CYTH3: variants seen among roughly 807,000 people sequenced by gnomAD.
CYTH3 encodes the protein cytohesin-3.
A neutral mutation model predicts 55.1 loss-of-function variants in CYTH3; 23 were observed. That is an observed-to-expected ratio of 0.42 (90% CI 0.30 to 0.59). CYTH3 has a LOEUF of 0.59. Ranked by LOEUF, CYTH3 falls within the 20% of genes least tolerant of loss-of-function variation. CYTH3 has a pLI of 0.20. For missense variants in CYTH3, 413 were observed against 524.8 expected, an observed-to-expected ratio of 0.79 and a Z score of 2.08; for synonymous variants, 249 against 194.9, an observed-to-expected ratio of 1.28 and a Z score of -2.31.
chr7:6,216,487 C>T (rs1164105176), intron 1 of CYTH3, among the ~76,000 whole-genome samples: 3 of 152,054 alleles, frequency 2.0e-5, no homozygotes, highest in Non-Finnish European at 2.9e-5. Flanking sequence ...ACCTGTAATG[C>T]TAGCACTTTG....
chr7:6,175,157 G>A (rs1783310912), intron 5 of CYTH3, among the ~76,000 whole-genome samples: 1 of 152,092 alleles, frequency 6.6e-6, no homozygotes, highest in East Asian at 1.9e-4. Flanking sequence ...TTTTGTAGAG[G>A]CAGGGCTCAC....
chr7:6,224,644 G>A (rs971678509), intron 1 of CYTH3, among the ~76,000 whole-genome samples: 24 of 152,124 alleles, frequency 1.6e-4, no homozygotes, highest in African/African-American at 5.8e-4. Flanking sequence ...TTGTCGCTGT[G>A]GAATACAATT....
intron 1 of CYTH3, among the ~76,000 whole-genome samples, chr7:6,254,547 C>A (rs1381279514): frequency 6.6e-6 from 1 of 152,224 alleles, no homozygotes; most frequent in East Asian, 1.9e-4. Flanking sequence ...CTCCCAGGCT[C>A]AAGCTATTCT....
At chr7:6,252,779 C>A (rs1780007877) in intron 1 of CYTH3, among the ~76,000 whole-genome samples, 1 of 152,220 alleles carries the variant, frequency 6.6e-6, no homozygotes, top group African/African-American at 2.4e-5. Flanking sequence ...GCAAAAGTAT[C>A]TCTTGAAAAT....
intron 4 of CYTH3, among the ~76,000 whole-genome samples, chr7:6,184,656 C>T (rs1783591728): frequency 6.6e-6 from 1 of 152,070 alleles, no homozygotes; most frequent in African/African-American, 2.4e-5. Flanking sequence ...TCTCAGCTCA[C>T]TGCAACCTGA....
intron 1 of CYTH3, among the ~76,000 whole-genome samples, chr7:6,259,789 ATAT>A (rs1780270933): frequency 4.4e-4 from 7 of 15,990 alleles, no homozygotes; most frequent in East Asian, 6.5e-3. Context: ...TATATAATAT[ATAT>A]ATATATATAT....
intron 1 of CYTH3, among the ~76,000 whole-genome samples, chr7:6,210,582 T>C (rs1434564310): frequency 1.3e-5 from 2 of 152,234 alleles, no homozygotes; most frequent in Non-Finnish European, 2.9e-5. Flanking sequence ...ATAACTAATT[T>C]CCTATATCCA....
chr7:6,182,946 T>C (rs1783546427), intron 4 of CYTH3, among the ~76,000 whole-genome samples: 2 of 152,258 alleles, frequency 1.3e-5, no homozygotes, highest in Admixed American at 1.3e-4. Flanking sequence ...TTAGGGTCAC[T>C]GTTGGCCTAA....
intron 1 of CYTH3, among the ~76,000 whole-genome samples, chr7:6,237,753 A>G (rs1779562917): frequency 6.6e-6 from 1 of 152,176 alleles, no homozygotes; most frequent in African/African-American, 2.4e-5. Flanking sequence ...GTTTATTTCC[A>G]AAAGTATTAT....
intron 1 of CYTH3, among the ~76,000 whole-genome samples, chr7:6,258,504 C>T (rs564678186): frequency 1.8e-3 from 280 of 152,238 alleles, no homozygotes; most frequent in African/African-American, 6.3e-3. Flanking sequence ...TAAGATATAG[C>T]CCTTTGTGGT....
rs145827648 is a variant in CYTH3, at chr7:6,174,394, T to A, written c.369-661A>T. Among the ~76,000 whole-genome samples, 646 of 151,034 alleles carry A rather than the reference T, an allele frequency of 4.3e-3. 6 individuals are homozygous for A. The highest frequency in any genetic ancestry group is 6.8e-3 in the Non-Finnish European group (460 of 67,648). On this transcript the variant is annotated intron_variant, in intron 5 of 12. Transcript: ENST00000350796. ...CCTCCCAAAGTGCTGGGATTACAGG[T>A]GTGAGCCACGGCACCTGCCTGCATC... is the stretch of plus-strand genomic sequence containing the variant.
intron 1 of CYTH3, among the ~76,000 whole-genome samples, chr7:6,193,435 T>C (rs1783850528): frequency 6.6e-6 from 1 of 150,874 alleles, no homozygotes; most frequent in African/African-American, 2.4e-5. Flanking sequence ...AATTAGCAAT[T>C]TAAAAAACTC....
chr7:6,198,881 T>C (rs980528632), intron 1 of CYTH3, among the ~76,000 whole-genome samples: 1 of 152,032 alleles, frequency 6.6e-6, no homozygotes, highest in African/African-American at 2.4e-5. Flanking sequence ...ATCCTGACAT[T>C]CCAGACACGC....
intron 1 of CYTH3, among the ~76,000 whole-genome samples, chr7:6,252,706 GGAA>G (rs776852628): frequency 2.6e-4 from 39 of 152,140 alleles, no homozygotes; most frequent in African/African-American, 7.7e-4. Context: ...GTTGAGGGAG[GGAA>G]GAAGAAAAAG....
At chr7:6,219,039 G>C (rs1385419511) in intron 1 of CYTH3, among the ~76,000 whole-genome samples, 1 of 149,344 alleles carries the variant, frequency 6.7e-6, no homozygotes, top group Non-Finnish European at 1.5e-5. Flanking sequence ...TGCCACTGAG[G>C]ACTCAGGAGA....
rs537962007 is a variant in CYTH3, at chr7:6,171,502, G to A, written c.450-188C>T. 4.6e-5 allele frequency among the ~76,000 whole-genome samples: 7 copies of A among 152,260 alleles called. No homozygotes were observed. Among genetic ancestry groups the A allele is most frequent in the East Asian group, 1.9e-4 (1 of 5,180 alleles). On this transcript the variant is annotated intron_variant, in intron 6 of 12. Coordinates refer to ENST00000350796, the MANE Select transcript of CYTH3 (RefSeq NM_004227.4). This position sits in a 1 kb window ranked among gnomAD's most constrained non-coding sequence, Gnocchi z 6.7. ...ACAGTCTCCTTCCGTTCCATAACTC[G>A]AGACACGCTTACTGATGGCTCATCT...
chr7:6,265,229 T>C (rs1489867467), intron 1 of CYTH3, among the ~76,000 whole-genome samples: 1 of 148,622 alleles, frequency 6.7e-6, no homozygotes, highest in Non-Finnish European at 1.5e-5. Flanking sequence ...TTTTTACATA[T>C]TGAAAAGGTT....
rs1782903211 is a variant in CYTH3, at chr7:6,163,593, A to G, written c.*1351T>C. On this transcript the variant is annotated 3_prime_UTR_variant, in exon 13 of 13. Coordinates refer to ENST00000350796, the MANE Select transcript of CYTH3 (RefSeq NM_004227.4). ...GCCTTCCTTGAGCGGAGCACTGGGC[A>G]CCTCCTATCCTTACATCCACAGCAA... 6.6e-6 allele frequency: 1 copy of G among 152,190 alleles called. No individual in the cohort carries two copies. Among genetic ancestry groups the G allele is most frequent in the Non-Finnish European group, 1.5e-5 (1 of 68,074 alleles). 9.4% of individuals were successfully genotyped at this position (152,190 alleles called of 1,614,324 possible).
At chr7:6,197,703 T>C (rs767081408) in intron 1 of CYTH3, among the ~76,000 whole-genome samples, 1 of 152,050 alleles carries the variant, frequency 6.6e-6, no homozygotes, top group Admixed American at 6.6e-5. Flanking sequence ...AAAAAAAGAA[T>C]TGAGCAAAAT....
Sources: allele counts gnomAD v4.1 joint callset (sites outside exome capture counted in the v4.1 genomes callset), GRCh38; gene constraint gnomAD v4.1.1; non-coding constraint Gnocchi (gnomAD v3.1); transcripts MANE v1.5; gene names NCBI Gene and HGNC (gene_info 2026-07-23, HGNC 2026-07-21).